Variants in MAP3K9 observed in about 807,000 individuals in gnomAD.
MAP3K9 encodes the protein mitogen-activated protein kinase kinase kinase 9, also known as mixed lineage kinase 1 (tyr and ser/thr specificity).
Under a neutral mutation model 95.8 loss-of-function variants are expected in MAP3K9, and 46 were observed. The ratio of observed to expected loss-of-function variants is 0.48; its 90% CI spans 0.38 to 0.61. The LOEUF (loss-of-function observed/expected upper bound fraction) is 0.61. Ranked by LOEUF, MAP3K9 falls within the 20% of genes least tolerant of loss-of-function variation. The pLI is 0.00. For missense variants in MAP3K9, 1,296 were observed against 1,474.3 expected (o/e 0.88, Z 1.98); for synonymous variants, 533 against 593.8 (o/e 0.90, Z 1.49).
intron 2 of MAP3K9, among the ~76,000 whole-genome samples, chr14:70,765,201 G>A (rs985933319): frequency 5.9e-5 from 9 of 151,412 alleles, no homozygotes; most frequent in Admixed American, 2.6e-4. Context: ...GTGGTGGTCC[G>A]TGCCTGTACT....
intron 1 of MAP3K9, among the ~76,000 whole-genome samples, chr14:70,805,695 G>C (rs1484344060): frequency 6.6e-6 from 1 of 152,198 alleles, no homozygotes; most frequent in Non-Finnish European, 1.5e-5. Flanking sequence ...GAGGTGGGAG[G>C]AATGATTGAA....
At chr14:70,774,376 T>G (rs1341407257) in intron 2 of MAP3K9, among the ~76,000 whole-genome samples, 1 of 152,174 alleles carries the variant, frequency 6.6e-6, no homozygotes, top group Non-Finnish European at 1.5e-5. Flanking sequence ...TTCAAATATT[T>G]TATATCAGGC....
chr14:70,773,383 GGCA>G (rs1179272947), intron 2 of MAP3K9, among the ~76,000 whole-genome samples: 3 of 152,156 alleles, frequency 2.0e-5, no homozygotes, highest in African/African-American at 7.2e-5. Context: ...TAGCAATCCT[GGCA>G]GCATATCAGG....
chr14:70,744,852 A>G (rs963459191), intron 5 of MAP3K9, among the ~76,000 whole-genome samples: 1 of 152,160 alleles, frequency 6.6e-6, no homozygotes, highest in Non-Finnish European at 1.5e-5. Context: ...CCCATTTGGA[A>G]TTGCATCTTG....
At chr14:70,803,334 T>A in intron 1 of MAP3K9, among the ~76,000 whole-genome samples, 5 of 70,348 alleles carry the variant, frequency 7.1e-5, no homozygotes, top group African/African-American at 1.8e-4. Context: ...CAAATTCAGA[T>A]CTTAAAAAAA....
intron 7 of MAP3K9, among the ~76,000 whole-genome samples, chr14:70,739,320 C>T (rs1268547621): frequency 1.3e-5 from 2 of 152,042 alleles, no homozygotes; most frequent in African/African-American, 4.8e-5. Flanking sequence ...TTAGTAGAGG[C>T]GGGGTTTCAG....
intron 6 of MAP3K9, among the ~76,000 whole-genome samples, chr14:70,741,846 CT>C (rs1457548596): frequency 6.6e-6 from 1 of 152,156 alleles, no homozygotes; most frequent in Non-Finnish European, 1.5e-5. Context: ...GCTCGGGGGC[CT>C]GGGGCAGCAG....
At chr14:70,769,236 T>C (rs1264343275) in intron 2 of MAP3K9, among the ~76,000 whole-genome samples, 1 of 152,204 alleles carries the variant, frequency 6.6e-6, no homozygotes, top group Admixed American at 6.5e-5. Context: ...AATTTAAAAA[T>C]GTATATATGG....
intron 2 of MAP3K9, among the ~76,000 whole-genome samples, chr14:70,770,115 CCACAGTGGGAA>C (rs2139802896): frequency 6.6e-6 from 1 of 152,284 alleles, no homozygotes; most frequent in African/African-American, 2.4e-5. Flanking sequence ...GGGCAGGTAA[CCACAGTGGGAA>C]CACCTGGTGG....
chr14:70,791,789 C>T (rs1272832464), intron 2 of MAP3K9, among the ~76,000 whole-genome samples: 1 of 152,204 alleles, frequency 6.6e-6, no homozygotes, highest in East Asian at 1.9e-4. Flanking sequence ...ACATTTTGTG[C>T]CACTTTATTT....
At chr14:70,731,142 T>C (rs77499160) in intron 11 of MAP3K9, among the ~76,000 whole-genome samples, 1,824 of 147,178 alleles carry the variant, frequency 0.012, 50 homozygotes, top group African/African-American at 0.042. Context: ...GCTGGCCACC[T>C]GTGTTTATAA....
chr14:70,742,279 A>G (rs4899368), intron 6 of MAP3K9, 72 bp downstream of exon 6: 1,379,051 of 1,558,212 alleles, frequency 0.89, 610,828 homozygotes, highest in Middle Eastern at 0.92. Flanking sequence ...TCAGTCCCGG[A>G]CTCCCTCAAA....
intron 2 of MAP3K9, among the ~76,000 whole-genome samples, chr14:70,780,595 G>C (rs886879006): frequency 6.6e-6 from 1 of 152,162 alleles, no homozygotes; most frequent in African/African-American, 2.4e-5. Flanking sequence ...TACAGCCCTT[G>C]CCATCTTGTG....
chr14:70,787,149 T>C (rs1416251249), intron 2 of MAP3K9, among the ~76,000 whole-genome samples: 2 of 152,122 alleles, frequency 1.3e-5, no homozygotes, highest in African/African-American at 4.8e-5. Context: ...TTTTTCCTGT[T>C]ATATTGCCTC....
At chr14:70,773,979 CAT>C (rs1566754662) in intron 2 of MAP3K9, among the ~76,000 whole-genome samples, 2 of 152,166 alleles carry the variant, frequency 1.3e-5, no homozygotes, top group Non-Finnish European at 2.9e-5. Context: ...CAGACACAGA[CAT>C]ATCAAAATTG....
At chr14:70,742,239 T>G (rs1198979535) in intron 6 of MAP3K9, 112 bp downstream of exon 6, 1 of 1,417,000 alleles carries the variant, frequency 7.1e-7, no homozygotes, top group African/African-American at 1.4e-5. Context: ...CAGGCTGGAG[T>G]TTGAGCCCCA....
intron 2 of MAP3K9, among the ~76,000 whole-genome samples, chr14:70,789,725 C>T (rs1299675810): frequency 6.6e-6 from 1 of 152,124 alleles, no homozygotes. Context: ...CAGATCAAAA[C>T]CTTCAAGTTT....
At position 70,749,978 on chromosome 14, in the gene MAP3K9, G is replaced by A. The variant is rs2054202227; in HGVS notation, c.1105C>T (p.Pro369Ser). The A allele has an allele frequency of 6.2e-7, 1 of 1,614,188 alleles. No individual in the cohort carries two copies. Among genetic ancestry groups the A allele is most frequent in the South Asian group, 1.1e-5 (1 of 91,078 alleles). The stretch of plus-strand genomic sequence containing the variant: ...GGTTCTGGGCACGTAGAAGGAATAG[G>A]AAGGGCGAGTTTGTTCATGGCCACT... ...YGVAMNKLAL[P>S]IPSTCPEPFA... Residue 369 changes from proline (P) to serine (S), a missense_variant, in exon 4 of 12, where the codon CCT becomes TCT. Coordinates refer to ENST00000554752, the MANE Select transcript of MAP3K9 (RefSeq NM_001284230.2).
intron 6 of MAP3K9, 118 bp from the exon 7 acceptor site, chr14:70,740,282 C>G: frequency 1.9e-6 from 2 of 1,027,870 alleles, no homozygotes; most frequent in Middle Eastern, 2.7e-4. Context: ...CTGAAAAGCT[C>G]TTTGTTCACC....
Sources: gnomAD v4.1 joint callset for allele counts (sites outside exome capture counted in the v4.1 genomes callset) on GRCh38, gnomAD v4.1.1 for gene constraint, MANE v1.5 for transcripts, NCBI Gene and HGNC (gene_info 2026-07-23, HGNC 2026-07-21) for gene names.